SWT1: variants seen among roughly 807,000 people sequenced by gnomAD.
SWT1 encodes the protein transcriptional protein SWT1.
Under a neutral mutation model 107.3 loss-of-function variants are expected in SWT1, and 33 were observed. That is an observed-to-expected ratio of 0.31 (90% CI 0.23 to 0.41). The LOEUF is 0.41. SWT1 is among the 10% of genes least tolerant of loss of function. SWT1 has a pLI of 1.00. For synonymous variants in SWT1, 345 were observed against 348.3 expected (o/e 0.99, Z 0.11); for missense variants, 898 against 1,028.9 (o/e 0.87, Z 1.74).
At chr1:185,279,303 TC>T (rs1364285228) in intron 18 of SWT1, among the ~76,000 whole-genome samples, 8 of 152,170 alleles carry the variant, frequency 5.3e-5, no homozygotes, top group Non-Finnish European at 1.2e-4. Flanking sequence ...CTAGTAGACG[TC>T]TAGAATTGTT....
intron 4 of SWT1, chr1:185,171,290 G>A (rs1024764139): frequency 2.6e-5 from 5 of 192,460 alleles, no homozygotes; most frequent in Non-Finnish European, 5.6e-5. Context: ...TGGTTCCCAA[G>A]TTTTATTCAA....
intron 16 of SWT1, chr1:185,263,517 C>T (rs1288839986): frequency 2.0e-5 from 3 of 148,426 alleles, no homozygotes; most frequent in Non-Finnish European, 4.5e-5. Flanking sequence ...TTGAAAACAC[C>T]TTATCTACAC....
At chr1:185,177,007 T>C (rs1655627835) in intron 5 of SWT1, 1 of 885,940 alleles carries the variant, frequency 1.1e-6, no homozygotes, top group Non-Finnish European at 1.3e-6. Flanking sequence ...AAAAAGACTA[T>C]GGATTGCAAT....
At chr1:185,185,859 A>G (rs1019505117) in intron 9 of SWT1, among the ~76,000 whole-genome samples, 1 of 152,182 alleles carries the variant, frequency 6.6e-6, no homozygotes, top group African/African-American at 2.4e-5. Context: ...TTCTTAGTAT[A>G]TTCCAGATAT....
chr1:185,201,788 G>A (rs1657905995), intron 10 of SWT1, among the ~76,000 whole-genome samples: 1 of 152,126 alleles, frequency 6.6e-6, no homozygotes, highest in Admixed American at 6.6e-5. Flanking sequence ...GACATTTCAA[G>A]CCACTAATAC....
Position 185,291,186 on chromosome 1 carries a change from G to C in SWT1, c.*383G>C, listed in dbSNP as rs1277274670. The C allele has an allele frequency of 6.5e-6, 1 of 153,574 alleles. No individual in the cohort carries two copies. Among genetic ancestry groups the C allele is most frequent in the East Asian group, 1.9e-4 (1 of 5,250 alleles). The allele number at this position is 153,574 out of a possible 1,614,324, so 9.5% of individuals were successfully genotyped here. ...AACCCTAAGTATGGGCATGTGACCA[G>C]AGACACTGCCAAACCCTAAGAAATC... On this transcript the variant is annotated 3_prime_UTR_variant, in exon 19 of 19. Coordinates refer to ENST00000367500, the MANE Select transcript of SWT1 (RefSeq NM_017673.7).
intron 16 of SWT1, among the ~76,000 whole-genome samples, chr1:185,245,237 T>C (rs958365718): frequency 6.6e-6 from 1 of 152,188 alleles, no homozygotes; most frequent in Non-Finnish European, 1.5e-5. Context: ...TAACAATTTT[T>C]ATTTATTTTT....
intron 10 of SWT1, among the ~76,000 whole-genome samples, chr1:185,196,948 T>G (rs984501233): frequency 2.6e-5 from 4 of 152,180 alleles, no homozygotes; most frequent in Non-Finnish European, 5.9e-5. Flanking sequence ...CTTTATTTCT[T>G]TCTGTTTTCT....
At chr1:185,220,235 T>TTTTC (rs1339372624) in intron 14 of SWT1, among the ~76,000 whole-genome samples, 4 of 150,280 alleles carry the variant, frequency 2.7e-5, no homozygotes, top group Admixed American at 1.3e-4. Flanking sequence ...TCTCTTTTTC[T>TTTTC]TTTCTTTCTT....
At chr1:185,220,980 T>C (rs1659611821) in intron 14 of SWT1, among the ~76,000 whole-genome samples, 3 of 152,198 alleles carry the variant, frequency 2.0e-5, no homozygotes, top group African/African-American at 7.2e-5. Context: ...TGAGTAAAAC[T>C]GTATACATTC....
chr1:185,161,158 G>A (rs1414616790), intron 2 of SWT1, among the ~76,000 whole-genome samples: 1 of 152,194 alleles, frequency 6.6e-6, no homozygotes, highest in Non-Finnish European at 1.5e-5. Context: ...CTGAGGCTTA[G>A]AGAGTAGTTT....
At chr1:185,201,197 T>C (rs1378295045) in intron 10 of SWT1, among the ~76,000 whole-genome samples, 3 of 152,096 alleles carry the variant, frequency 2.0e-5, no homozygotes, top group African/African-American at 7.2e-5. Flanking sequence ...TTCGTGAGGC[T>C]GAGATCCACG....
intron 14 of SWT1, among the ~76,000 whole-genome samples, chr1:185,220,334 G>GA (rs1408189115): frequency 1.3e-5 from 2 of 150,140 alleles, no homozygotes; most frequent in African/African-American, 4.9e-5. Flanking sequence ...ACACTCCACT[G>GA]AAAGAAACTG....
intron 1 of SWT1, among the ~76,000 whole-genome samples, chr1:185,159,847 C>T (rs1436883971): frequency 6.6e-6 from 1 of 152,122 alleles, no homozygotes; most frequent in Non-Finnish European, 1.5e-5. Flanking sequence ...CCCTCAGCCT[C>T]CTGAGTAGCT....
chr1:185,252,367 A>T (rs539988839), intron 16 of SWT1, among the ~76,000 whole-genome samples: 17 of 152,330 alleles, frequency 1.1e-4, no homozygotes, highest in African/African-American at 4.1e-4. Flanking sequence ...ACTGACTTCC[A>T]CAATGGTTGA....
rs573194100 is a variant in SWT1 at position 185,167,541 on chromosome 1, T to G, written c.166-799T>G. On this transcript the variant is annotated intron_variant, in intron 3 of 18. Coordinates refer to ENST00000367500, the MANE Select transcript of SWT1 (RefSeq NM_017673.7). ...CATATAATTAAGCTGCGGTTTCTAT[T>G]TATTTTTGCAATATTAACCTTCTTG... Among the ~76,000 whole-genome samples, 3 of 152,346 alleles carry G rather than the reference T, an allele frequency of 2.0e-5. No homozygotes were observed. The South Asian group carries it at 6.2e-4, about 32-fold the overall frequency.
chr1:185,284,232 T>A (rs1310384234), intron 18 of SWT1, among the ~76,000 whole-genome samples: 1 of 152,250 alleles, frequency 6.6e-6, no homozygotes, highest in Non-Finnish European at 1.5e-5. Flanking sequence ...CTTCTTTTCA[T>A]GTGCTATTTG....
chr1:185,171,982 C>CT (rs1352298652), intron 4 of SWT1, among the ~76,000 whole-genome samples: 1 of 152,168 alleles, frequency 6.6e-6, no homozygotes, highest in Non-Finnish European at 1.5e-5. Flanking sequence ...TATAAAAACT[C>CT]TGTTTATGGT....
At chr1:185,256,532 C>G (rs373175559) in intron 16 of SWT1, among the ~76,000 whole-genome samples, 8 of 149,260 alleles carry the variant, frequency 5.4e-5, no homozygotes, top group African/African-American at 1.5e-4. Context: ...TCATTCATTT[C>G]ATCTTCCATT....
Sources: allele counts gnomAD v4.1 joint callset (sites outside exome capture counted in the v4.1 genomes callset), GRCh38; gene constraint gnomAD v4.1.1; transcripts MANE v1.5; gene names NCBI Gene and HGNC (gene_info 2026-07-23, HGNC 2026-07-21).